Variants in PLCXD2 observed in about 807,000 individuals in gnomAD.
PLCXD2 encodes the protein phosphatidylinositol specific phospholipase C X domain containing 2, also known as PI-PLC X domain-containing protein 2.
PLCXD2 carries 21 observed loss-of-function variants against 28.6 expected under a neutral mutation model. That is an observed-to-expected ratio of 0.73 (90% CI 0.52 to 1.06). PLCXD2 has a LOEUF of 1.06. Among genes scored for constraint, PLCXD2 ranks in the 50% least tolerant of loss-of-function variants. The probability of loss-of-function intolerance (pLI) is 0.00; values close to 1 mark genes in which losing one functional copy is unlikely to be tolerated. For synonymous variants in PLCXD2, 140 were observed against 150.1 expected (o/e 0.93, Z 0.49); for missense variants, 369 against 376.7 (o/e 0.98, Z 0.17).
At chr3:111,716,792 G>A (rs1941272741) in intron 3 of PLCXD2, among the ~76,000 whole-genome samples, 1 of 152,200 alleles carries the variant, frequency 6.6e-6, no homozygotes, top group Non-Finnish European at 1.5e-5. Flanking sequence ...TACATTTGCA[G>A]ATACGGCCTT....
In PLCXD2 at chr3:111,707,946, T is replaced by C; in HGVS notation, c.184T>C (p.Tyr62His). The change falls in exon 2 of 5, where the codon TAC (tyrosine) becomes CAC (histidine). Residue 62 changes from tyrosine (Y) to histidine (H), a missense_variant. By Grantham distance (83) the Tyr-to-His change is moderately conservative (BLOSUM62 2). Transcript: ENST00000477665. ...TACAGGCTCACATGATTCATTCAGC[T>C]ACTGGGTGGATGAAAAGTCCCCAGT... 6.2e-7 allele frequency: 1 copy of C among 1,613,938 alleles called. No individual in the cohort carries two copies. Among genetic ancestry groups the C allele is most frequent in the Non-Finnish European group, 8.5e-7 (1 of 1,179,890 alleles).
At chr3:111,675,611 CAG>C (rs1244379802) in intron 1 of PLCXD2, among the ~76,000 whole-genome samples, 2 of 152,190 alleles carry the variant, frequency 1.3e-5, no homozygotes, top group Non-Finnish European at 2.9e-5. Flanking sequence ...CTCATGAAAA[CAG>C]AAGCATCATT....
rs895284899 is a variant in PLCXD2, at chr3:111,674,696, C to G, written c.-550C>G. 1 of 152,506 alleles carries G rather than the reference C, an allele frequency of 6.6e-6. No homozygotes were observed. Among genetic ancestry groups the G allele is most frequent in the African/African-American group, 2.4e-5 (1 of 41,466 alleles). 9.4% of individuals were successfully genotyped at this position (152,506 alleles called of 1,614,324 possible). ...GGGCTGCTGGGAGTCCTGGTGCCGCCGGCTGCACTTCTGTGTGTCTTTCAG... is the reference window on the plus strand; with the variant it reads ...GGGCTGCTGGGAGTCCTGGTGCCGCGGGCTGCACTTCTGTGTGTCTTTCAG... On this transcript the variant is annotated 5_prime_UTR_variant, in exon 1 of 5. Transcript: ENST00000477665.
intron 3 of PLCXD2, among the ~76,000 whole-genome samples, chr3:111,717,485 G>C (rs1186411163): frequency 1.3e-5 from 2 of 152,096 alleles, no homozygotes; most frequent in Admixed American, 6.5e-5. Context: ...CTTCACTGTG[G>C]GTTCTGCATT....
At chr3:111,679,900 G>A (rs1940686784) in intron 1 of PLCXD2, among the ~76,000 whole-genome samples, 1 of 152,128 alleles carries the variant, frequency 6.6e-6, no homozygotes, top group Non-Finnish European at 1.5e-5. Context: ...CTGCCTGGCT[G>A]CTGCCTCTCC....
intron 2 of PLCXD2, among the ~76,000 whole-genome samples, chr3:111,712,671 C>T (rs1425624438): frequency 6.6e-6 from 1 of 152,122 alleles, no homozygotes; most frequent in African/African-American, 2.4e-5. Context: ...AAATGCACAC[C>T]GGAAATGAGG....
intron 1 of PLCXD2, among the ~76,000 whole-genome samples, chr3:111,675,865 T>C (rs1940613117): frequency 6.6e-6 from 1 of 152,208 alleles, no homozygotes; most frequent in African/African-American, 2.4e-5. Context: ...AAAAAATGGA[T>C]AAGCATTAGA....
intron 1 of PLCXD2, among the ~76,000 whole-genome samples, chr3:111,693,713 C>A (rs1940918872): frequency 6.6e-6 from 1 of 152,156 alleles, no homozygotes; most frequent in African/African-American, 2.4e-5. Context: ...GGTTTTAATT[C>A]CAGTATACCA....
At chr3:111,694,530 C>T (rs1940934361) in intron 1 of PLCXD2, among the ~76,000 whole-genome samples, 1 of 151,804 alleles carries the variant, frequency 6.6e-6, no homozygotes, top group African/African-American at 2.4e-5. Context: ...AAACCTGCAG[C>T]AACTGGCACC....
intron 2 of PLCXD2, among the ~76,000 whole-genome samples, chr3:111,709,595 T>A (rs963299110): frequency 1.3e-5 from 2 of 152,096 alleles, no homozygotes; most frequent in Admixed American, 1.3e-4. Context: ...GTTGAAATGT[T>A]TAAAAGTTGA....
intron 1 of PLCXD2, among the ~76,000 whole-genome samples, chr3:111,698,966 G>A (rs940113206): frequency 7.9e-5 from 12 of 152,178 alleles, no homozygotes; most frequent in African/African-American, 2.7e-4. Flanking sequence ...TGCAATGTCA[G>A]TGCCTAAAGG....
intron 1 of PLCXD2, among the ~76,000 whole-genome samples, chr3:111,688,582 C>T (rs895438207): frequency 6.6e-6 from 1 of 152,178 alleles, no homozygotes; most frequent in African/African-American, 2.4e-5. Flanking sequence ...AGCCCATGCC[C>T]ATGTGACTCA....
chr3:111,682,350 C>G (rs538102602), intron 1 of PLCXD2, among the ~76,000 whole-genome samples: 93 of 152,116 alleles, frequency 6.1e-4, no homozygotes, highest in Non-Finnish European at 1.0e-3. Flanking sequence ...CACAGGCAGT[C>G]TTTTGTGGAT....
intron 1 of PLCXD2, among the ~76,000 whole-genome samples, chr3:111,706,397 G>C (rs575539852): frequency 6.6e-6 from 1 of 152,080 alleles, no homozygotes; most frequent in Non-Finnish European, 1.5e-5. Context: ...GTCTATTTTA[G>C]TTTTTGTTGC....
At chr3:111,679,601 G>T (rs1188126572) in intron 1 of PLCXD2, among the ~76,000 whole-genome samples, 1 of 152,166 alleles carries the variant, frequency 6.6e-6, no homozygotes, top group African/African-American at 2.4e-5. Flanking sequence ...GTTTTTCATT[G>T]TGATCAGAGC....
intron 1 of PLCXD2, among the ~76,000 whole-genome samples, chr3:111,693,747 G>A (rs542683640): frequency 7.2e-5 from 11 of 152,110 alleles, no homozygotes; most frequent in Non-Finnish European, 1.2e-4. Flanking sequence ...TTCATAAAGG[G>A]GTCTTTTTTA....
At chr3:111,721,656 T>C (rs1239017324) in intron 3 of PLCXD2, 1 of 152,238 alleles carries the variant, frequency 6.6e-6, no homozygotes, top group Non-Finnish European at 1.5e-5. Context: ...AAGAGATAGA[T>C]ATGCATGTTT....
chr3:111,725,086 G>C (rs1244528646), intron 3 of PLCXD2: 1 of 152,198 alleles, frequency 6.6e-6, no homozygotes, highest in Non-Finnish European at 1.5e-5. Flanking sequence ...ACTTATCTAG[G>C]AATGGCACCT....
rs1940884791 is a variant in PLCXD2 at position 111,692,019 on chromosome 3, G to A, written c.164-15907G>A. Among the ~76,000 whole-genome samples the A allele has an allele frequency of 1.3e-5, 2 of 152,198 alleles. 1 individual carries two copies. Among genetic ancestry groups the A allele is most frequent in the Admixed American group, 1.3e-4 (2 of 15,280 alleles). On this transcript the variant is annotated intron_variant, in intron 1 of 4. Coordinates refer to ENST00000477665, the MANE Select transcript of PLCXD2 (RefSeq NM_001185106.1). ...AAAGAGCTGAGGTAAAAACACTGGG[G>A]AGATAAACTGAATGTCTTCAGGTTC...
Sources: allele counts gnomAD v4.1 joint callset (sites outside exome capture counted in the v4.1 genomes callset), GRCh38; gene constraint gnomAD v4.1.1; transcripts MANE v1.5; gene names NCBI Gene and HGNC (gene_info 2026-07-23, HGNC 2026-07-21).